Variants in XPA observed in about 807,000 individuals in gnomAD.
XPA encodes XPA, DNA damage recognition and repair factor.
A neutral mutation model predicts 35.7 loss-of-function variants in XPA; 27 were observed. The ratio of observed to expected loss-of-function variants is 0.76; its 90% CI spans 0.56 to 1.04. The LOEUF is 1.04. XPA is among the 50% of genes least tolerant of loss of function. The probability of loss-of-function intolerance (pLI) is 0.00; values close to 1 mark genes in which losing one functional copy is unlikely to be tolerated. For missense variants in XPA, 354 were observed against 342.7 expected (o/e 1.03, Z -0.26); for synonymous variants, 133 against 118.4 (o/e 1.12, Z -0.80).
chr9:97,676,807 A>C (rs1828380941), intron 5 of XPA, among the ~76,000 whole-genome samples: 1 of 152,178 alleles, frequency 6.6e-6, no homozygotes, highest in African/African-American at 2.4e-5. Context: ...CTTTGACATT[A>C]TTTTAGTGCA....
Position 97,675,234 on chromosome 9 carries a change from T to C in XPA, c.*205A>G. 1.5e-6 allele frequency: 1 copy of C among 676,256 alleles called. No individual in the cohort carries two copies. The highest frequency in any genetic ancestry group is 2.7e-6 in the Non-Finnish European group (1 of 375,684). The allele number at this position is 676,256 out of a possible 1,614,324, so 41.9% of individuals were successfully genotyped here. A position where few individuals can be genotyped will look rare whatever the true frequency, so the allele number is the denominator to read the frequency against. Reference sequence around the variant, plus strand: ...TAAGAAGGCAATCACAGACATGACATTGTGCACACAACCAGGCCAGGTGAC... The same window carrying C: ...TAAGAAGGCAATCACAGACATGACACTGTGCACACAACCAGGCCAGGTGAC... On this transcript the variant is annotated 3_prime_UTR_variant, in exon 6 of 6. Transcript: ENST00000375128.
chr9:97,666,905 TTA>T, the XPA span: 1 of 1,430,038 alleles, frequency 7.0e-7, no homozygotes, highest in Admixed American at 2.1e-5. Flanking sequence ...TTGTAAGTAG[TTA>T]AAGAAAATAT....
At chr9:97,657,906 CTATATA>C in the XPA span, among the ~76,000 whole-genome samples, 30 of 127,498 alleles carry the variant, frequency 2.4e-4, no homozygotes, top group South Asian at 8.1e-4. Flanking sequence ...CTCTCTCTCT[CTATATA>C]TATATATATA....
At chr9:97,663,117 C>T in the XPA span, 2 of 1,194,094 alleles carry the variant, frequency 1.7e-6, no homozygotes, top group East Asian at 2.4e-5. Context: ...CGTTAATTGC[C>T]ATTGTTTTGT....
chr9:97,683,359 T>C (rs552106192), intron 5 of XPA, among the ~76,000 whole-genome samples: 1 of 152,312 alleles, frequency 6.6e-6, no homozygotes, highest in East Asian at 1.9e-4. Context: ...ATCAGAACTC[T>C]TTCCAAATCC....
At chr9:97,678,971 C>T (rs529251208) in intron 5 of XPA, among the ~76,000 whole-genome samples, 3 of 152,132 alleles carry the variant, frequency 2.0e-5, no homozygotes, top group Non-Finnish European at 1.5e-5. Flanking sequence ...GTGTAAATAT[C>T]CCAGAAAAGT....
chr9:97,663,778 G>A, the XPA span, among the ~76,000 whole-genome samples: 2 of 151,768 alleles, frequency 1.3e-5, no homozygotes, highest in South Asian at 2.1e-4. Context: ...GAGCCACCGC[G>A]CCTGGCCAGT....
At chr9:97,686,827 C>T (rs749871195) in intron 4 of XPA, among the ~76,000 whole-genome samples, 5 of 152,136 alleles carry the variant, frequency 3.3e-5, no homozygotes, top group South Asian at 2.1e-4. Flanking sequence ...TACCTGAGCC[C>T]GGGAGGTCAA....
chr9:97,671,146 T>C (rs755441497), downstream of XPA: 38 of 1,613,780 alleles, frequency 2.4e-5, no homozygotes, highest in Non-Finnish European at 2.7e-5. Context: ...CACTGCTGAA[T>C]TAGACCCTCA....
chr9:97,656,137 C>T, the XPA span: 1 of 1,362,344 alleles, frequency 7.3e-7, no homozygotes, highest in Non-Finnish European at 1.0e-6. Flanking sequence ...ATTTCTTTCT[C>T]TTCTCTGCAC....
In XPA at chr9:97,693,659, A is replaced by T. The variant is rs2131405975; in HGVS notation, c.273T>A (p.Val91=). The change falls in exon 2 of 6, where the codon GTT becomes GTA. Residue 91 remains valine, a synonymous_variant. Transcript: ENST00000375128. The part of the protein sequence containing the change: ...EEEEQKIGKV[V]HQPGPVMEFD... ...AAAAACTCACTTTACCTGGTTGATG[A>T]ACAACTTTTCCAATTTTCTGTTCTT... 6 of 1,613,512 alleles carry T rather than the reference A, an allele frequency of 3.7e-6. No homozygotes were observed. The highest frequency in any genetic ancestry group is 5.1e-6 in the Non-Finnish European group (6 of 1,179,894).
Position 97,680,698 on chromosome 9 carries a change from A to C in XPA, c.673+4225T>G, listed in dbSNP as rs1408849627. On this transcript the variant is annotated intron_variant, in intron 5 of 5. Coordinates refer to ENST00000375128, the MANE Select transcript of XPA (RefSeq NM_000380.4). Reference sequence around the variant, plus strand: ...ATAAATACTTTTTTCACATTACTTCATTTAACAACTTAAAACTTAGGAAAG... The same window carrying C: ...ATAAATACTTTTTTCACATTACTTCCTTTAACAACTTAAAACTTAGGAAAG... 2.0e-5 allele frequency among the ~76,000 whole-genome samples: 3 copies of C among 152,252 alleles called. No individual in the cohort carries two copies. In the East Asian group the frequency reaches 5.8e-4, roughly 29 times the overall value.
At chr9:97,661,041 C>A in the XPA span, 1 of 1,612,790 alleles carries the variant, frequency 6.2e-7, no homozygotes, top group Non-Finnish European at 8.5e-7. Context: ...GAAAGATGTA[C>A]CAAATCCTAA....
At chr9:97,655,892 A>AGT in the XPA span, 1 of 1,323,460 alleles carries the variant, frequency 7.6e-7, no homozygotes, top group Non-Finnish European at 1.1e-6. Context: ...AATAGTTACA[A>AGT]GTGCAATTAT....
At chr9:97,682,175 AAAGCAGGTAAATAT>A in intron 5 of XPA, 1 of 425,012 alleles carries the variant, frequency 2.4e-6, no homozygotes, top group Non-Finnish European at 4.6e-6. Flanking sequence ...TCATATTCTC[AAAGCAGGTAAATAT>A]AATCTCTTAC....
At chr9:97,695,197 T>A (rs1829005668) in intron 1 of XPA, among the ~76,000 whole-genome samples, 1 of 151,640 alleles carries the variant, frequency 6.6e-6, no homozygotes. Context: ...ATGAGTACAT[T>A]TTACAGTATG....
Position 97,697,127 on chromosome 9 carries a change from T to G in XPA, c.166A>C (p.Thr56Pro). 6.5e-7 allele frequency: 1 copy of G among 1,548,852 alleles called. No individual in the cohort carries two copies. Reference sequence around the variant, plus strand: ...GCGCGGACGCGGCCCAAACCTCCAGTAGCCGCAGCCGCCGTCGCCGAGTAG... The same window carrying G: ...GCGCGGACGCGGCCCAAACCTCCAGGAGCCGCAGCCGCCGTCGCCGAGTAG... ...RPYSATAAAA[T>P]GGMANVKAAP... The change falls in exon 1 of 6, where the codon ACT becomes CCT. Residue 56 changes from threonine to proline, a missense_variant. Coordinates refer to ENST00000375128, the MANE Select transcript of XPA (RefSeq NM_000380.4).
At chr9:97,671,365 G>GA, downstream of XPA, 1 of 550,344 alleles carries the variant, frequency 1.8e-6, no homozygotes, top group Non-Finnish European at 3.2e-6. Context: ...TAATTGCCCT[G>GA]AAAAGCAAAT....
chr9:97,676,440 C>T (rs1056600474), intron 5 of XPA, among the ~76,000 whole-genome samples: 1 of 152,110 alleles, frequency 6.6e-6, no homozygotes, highest in Admixed American at 6.5e-5. Context: ...AGTGATCCAC[C>T]CAGTTCTTCA....
Sources: gnomAD v4.1 joint callset for allele counts (sites outside exome capture counted in the v4.1 genomes callset) on GRCh38, gnomAD v4.1.1 for gene constraint, MANE v1.5 for transcripts, NCBI Gene and HGNC (gene_info 2026-07-23, HGNC 2026-07-21) for gene names.